Variants in CERKL observed in about 807,000 individuals in gnomAD.
The protein encoded by CERKL is ceramide kinase-like protein.
In CERKL, 61 loss-of-function variants were observed where a neutral mutation model predicts 63.4. That is an observed-to-expected ratio of 0.96 (90% CI 0.78 to 1.19). The LOEUF is 1.19. Among genes scored for constraint, CERKL ranks in the 50% most tolerant of loss-of-function variants. CERKL has a pLI of 0.00. For missense variants in CERKL, 675 were observed against 655.5 expected, an observed-to-expected ratio of 1.03 and a Z score of -0.33; for synonymous variants, 250 against 230.5, an observed-to-expected ratio of 1.08 and a Z score of -0.77.
intron 1 of CERKL, among the ~76,000 whole-genome samples, chr2:181,625,552 C>A (rs963980276): frequency 1.3e-5 from 2 of 152,080 alleles, no homozygotes; most frequent in Non-Finnish European, 2.9e-5. Flanking sequence ...CAAAGTTTAT[C>A]CTCTTATAGT....
intron 1 of CERKL, among the ~76,000 whole-genome samples, chr2:181,635,182 A>T (rs1433794026): frequency 6.6e-6 from 1 of 152,208 alleles, no homozygotes; most frequent in Non-Finnish European, 1.5e-5. Flanking sequence ...TCATAAAAAT[A>T]AAGCTCACCC....
intron 10 of CERKL, among the ~76,000 whole-genome samples, chr2:181,546,829 C>A (rs764984142): frequency 6.6e-6 from 1 of 152,168 alleles, no homozygotes; most frequent in African/African-American, 2.4e-5. Flanking sequence ...CTACTATTCA[C>A]ATTAAATAGA....
At chr2:181,626,500 C>T (rs909392557) in intron 1 of CERKL, among the ~76,000 whole-genome samples, 5 of 152,124 alleles carry the variant, frequency 3.3e-5, no homozygotes, top group Non-Finnish European at 7.4e-5. Context: ...CCACAGCTCC[C>T]CAGGTTTGCT....
intron 1 of CERKL, among the ~76,000 whole-genome samples, chr2:181,641,348 TATATATACACATA>T (rs1559120221): frequency 0.012 from 148 of 11,880 alleles, no homozygotes; most frequent in African/African-American, 0.05. Context: ...TATATATACA[TATATATACACATA>T]TTTTTTTCCC....
intron 1 of CERKL, among the ~76,000 whole-genome samples, chr2:181,639,668 G>A (rs1204132058): frequency 6.6e-6 from 1 of 152,082 alleles, no homozygotes; most frequent in Non-Finnish European, 1.5e-5. Flanking sequence ...TGCTTAACTG[G>A]GGAAGCAACA....
chr2:181,601,525 G>A (rs980686978), intron 2 of CERKL, among the ~76,000 whole-genome samples: 3 of 152,132 alleles, frequency 2.0e-5, no homozygotes, highest in Non-Finnish European at 2.9e-5. Flanking sequence ...TCACGCCACT[G>A]TACTCCAGCC....
At chr2:181,584,131 G>T (rs765235733) in intron 2 of CERKL, among the ~76,000 whole-genome samples, 1 of 152,124 alleles carries the variant, frequency 6.6e-6, no homozygotes, top group Non-Finnish European at 1.5e-5. Flanking sequence ...AAATATGGGT[G>T]CCCACTGGAA....
At chr2:181,626,763 G>C (rs1686722746) in intron 1 of CERKL, among the ~76,000 whole-genome samples, 1 of 152,242 alleles carries the variant, frequency 6.6e-6, no homozygotes, top group Non-Finnish European at 1.5e-5. Flanking sequence ...GAGGATAAAA[G>C]ATGCAGGGAT....
rs770153403 is a variant in CERKL, at chr2:181,656,759, G to A, written c.238+10C>T. 1.9e-6 allele frequency: 3 copies of A among 1,584,542 alleles called. No individual in the cohort carries two copies. The highest frequency in any genetic ancestry group is 1.1e-5 in the South Asian group (1 of 88,044). ...GAGGGAGGCGAAGACGCTTGGGGCCGGGCACTCACCCGCCGGGCGCTCGGG... is the reference window on the plus strand; with the variant it reads ...GAGGGAGGCGAAGACGCTTGGGGCCAGGCACTCACCCGCCGGGCGCTCGGG... On this transcript the variant is annotated intron_variant, in intron 1 of 12. Coordinates refer to ENST00000410087, the MANE Select transcript of CERKL (RefSeq NM_201548.5).
chr2:181,657,009 C>A lies in CERKL; in HGVS notation c.-3G>T. 6.3e-7 allele frequency: 1 copy of A among 1,576,774 alleles called. No homozygotes were observed. Among genetic ancestry groups the A allele is most frequent in the South Asian group, 1.1e-5 (1 of 88,246 alleles). ...TTCCTGCGCCTCCTCCAGGGCATGG[C>A]GGAGTCGCAGGCTGGGCCCGAGCCA... On this transcript the variant is annotated 5_prime_UTR_variant, in exon 1 of 13. Coordinates refer to ENST00000410087, the MANE Select transcript of CERKL (RefSeq NM_201548.5).
intron 2 of CERKL, among the ~76,000 whole-genome samples, chr2:181,578,416 C>T (rs1684351897): frequency 6.6e-6 from 1 of 152,142 alleles, no homozygotes; most frequent in Non-Finnish European, 1.5e-5. Context: ...CCTCTTGCCT[C>T]AGCCTCCCAA....
At chr2:181,615,475 C>T (rs906809216) in intron 1 of CERKL, among the ~76,000 whole-genome samples, 2 of 152,202 alleles carry the variant, frequency 1.3e-5, no homozygotes, top group Admixed American at 1.3e-4. Flanking sequence ...ATCTGCTTGG[C>T]GCTAATTGTG....
intron 2 of CERKL, among the ~76,000 whole-genome samples, chr2:181,576,211 G>A (rs1164524132): frequency 6.6e-6 from 1 of 152,136 alleles, no homozygotes; most frequent in Non-Finnish European, 1.5e-5. Flanking sequence ...ATTATACAGT[G>A]AGAAAAATCA....
At chr2:181,557,481 C>T (rs568129685) in intron 5 of CERKL, among the ~76,000 whole-genome samples, 1 of 152,208 alleles carries the variant, frequency 6.6e-6, no homozygotes. Flanking sequence ...TTCCCAGCAC[C>T]GTTCGTTAAA....
rs776065058 is a variant in CERKL at position 181,537,831 on chromosome 2, C to CATCAATTTCT, written c.*343_*352dup. ...AGCCCTAGAGGCTAATTGTTAGTAA[C>CATCAATTTCT]ATCAATTTCTATTAGGATATCCGTT... On this transcript the variant is annotated 3_prime_UTR_variant, in exon 13 of 13. Coordinates refer to ENST00000410087, the MANE Select transcript of CERKL (RefSeq NM_201548.5). 25 of 483,930 alleles carry CATCAATTTCT rather than the reference C, an allele frequency of 5.2e-5. 1 individual carries two copies. The highest frequency in any genetic ancestry group is 3.7e-4 in the South Asian group (24 of 64,678). The allele number at this position is 483,930 out of a possible 1,614,324, so 30.0% of individuals were successfully genotyped here.
At chr2:181,588,655 AG>A (rs1459966063) in intron 2 of CERKL, among the ~76,000 whole-genome samples, 3 of 152,170 alleles carry the variant, frequency 2.0e-5, no homozygotes, top group African/African-American at 7.2e-5. Context: ...AAACTGTTTG[AG>A]GAACCTCCAT....
At chr2:181,651,080 C>T (rs1468408123) in intron 1 of CERKL, among the ~76,000 whole-genome samples, 1 of 152,218 alleles carries the variant, frequency 6.6e-6, no homozygotes, top group Admixed American at 6.5e-5. Flanking sequence ...AATGGCTTCA[C>T]TGCTGAACTC....
Position 181,558,571 on chromosome 2 carries a change from G to C in CERKL, c.815C>G (p.Pro272Arg). The change falls in exon 5 of 13, where the codon CCA becomes CGA. Residue 272 changes from proline to arginine, a missense_variant. Transcript: ENST00000410087. This position sits in a 1 kb window ranked among gnomAD's most constrained non-coding sequence, Gnocchi z 4.2. The part of the protein sequence containing the change: ...VRAQLPLGLI[P>R]AGSTNVLAHS... ...ATCTGTAGCCACTCCCTTGCCTGCTGGTATTAAGCCAAGTGGAAGCTGTGC... is the reference window on the plus strand; with the variant it reads ...ATCTGTAGCCACTCCCTTGCCTGCTCGTATTAAGCCAAGTGGAAGCTGTGC... The C allele has an allele frequency of 6.2e-7, 1 of 1,613,414 alleles. No individual in the cohort carries two copies. Among genetic ancestry groups the C allele is most frequent in the South Asian group, 1.1e-5 (1 of 91,062 alleles).
At chr2:181,638,161 A>C (rs539413386) in intron 1 of CERKL, among the ~76,000 whole-genome samples, 1 of 152,284 alleles carries the variant, frequency 6.6e-6, no homozygotes, top group South Asian at 2.1e-4. Flanking sequence ...AAAACAAAAC[A>C]AAAAAACCCA....
Sources: gnomAD v4.1 joint callset for allele counts (sites outside exome capture counted in the v4.1 genomes callset) on GRCh38, gnomAD v4.1.1 for gene constraint, Gnocchi (gnomAD v3.1) non-coding constraint, MANE v1.5 for transcripts, NCBI Gene and HGNC (gene_info 2026-07-23, HGNC 2026-07-21) for gene names.